Variants in BDP1 observed in about 807,000 individuals in gnomAD.
The protein encoded by BDP1 is transcription factor TFIIIB component B'' homolog.
Under a neutral mutation model 266.6 loss-of-function variants are expected in BDP1, and 169 were observed. The observed-to-expected ratio is 0.63, with a 90% confidence interval of 0.56 to 0.72. BDP1 has a LOEUF of 0.72. Among genes scored for constraint, BDP1 ranks in the 30% least tolerant of loss-of-function variants. The pLI is 0.00. For missense variants in BDP1, 3,015 were observed against 3,053.8 expected (o/e 0.99, Z 0.30); for synonymous variants, 1,090 against 1,022.4 (o/e 1.07, Z -1.26).
At chr5:71,551,767 G>A (rs2111958291) in intron 34 of BDP1, among the ~76,000 whole-genome samples, 1 of 150,924 alleles carries the variant, frequency 6.6e-6, no homozygotes, top group Non-Finnish European at 1.5e-5. Flanking sequence ...CGGCTGGCCG[G>A]GAGGGGGGCT....
At chr5:71,474,769 C>T (rs191991629) in intron 7 of BDP1, among the ~76,000 whole-genome samples, 1 of 151,926 alleles carries the variant, frequency 6.6e-6, no homozygotes, top group Admixed American at 6.6e-5. Context: ...ATTGCTTGAA[C>T]CCGGGAGGGA....
chr5:71,556,996 C>T (rs948840860), intron 36 of BDP1, 71 bp downstream of exon 36: 1 of 767,554 alleles, frequency 1.3e-6, no homozygotes, highest in Non-Finnish European at 2.0e-6. Flanking sequence ...ATACCTTGTT[C>T]AAATATGAGA....
chr5:71,525,390 G>C (rs1765750295), intron 25 of BDP1, among the ~76,000 whole-genome samples: 1 of 148,866 alleles, frequency 6.7e-6, no homozygotes, highest in Admixed American at 6.6e-5. Flanking sequence ...CCGGGCGGGG[G>C]GCTGACCCCC....
At chr5:71,464,496 TA>T (rs948279758) in intron 4 of BDP1, among the ~76,000 whole-genome samples, 3 of 151,406 alleles carry the variant, frequency 2.0e-5, no homozygotes, top group African/African-American at 7.3e-5. Flanking sequence ...CTTTGTCTCT[TA>T]AAAAAAAATT....
In BDP1 at chr5:71,509,598, A is replaced by G. The variant is rs1764782254; in HGVS notation, c.2506A>G (p.Lys836Glu). 1.2e-6 allele frequency: 2 copies of G among 1,613,936 alleles called. No homozygotes were observed. The highest frequency in any genetic ancestry group is 4.5e-5 in the East Asian group (2 of 44,884). Residue 836 changes from lysine to glutamate, a missense_variant, in exon 17 of 39, where the codon AAG becomes GAG. Around this residue, in one of 3 missense-constraint regions of BDP1, gnomAD observed 2,383 missense variants for 2,404.9 expected, o/e 0.99. Coordinates refer to ENST00000358731, the MANE Select transcript of BDP1 (RefSeq NM_018429.3). Reference sequence around the variant, plus strand: ...TTCCTCAAAGGAAGAGGTACTAGAGAAGATTCTTGTCTCTGGGGAAATGGC... The same window carrying G: ...TTCCTCAAAGGAAGAGGTACTAGAGGAGATTCTTGTCTCTGGGGAAATGGC... ...EISSKEEVLE[K>E]ILVSGEMAAA...
At chr5:71,508,110 G>A (rs760116901) in intron 16 of BDP1, among the ~76,000 whole-genome samples, 48 of 151,716 alleles carry the variant, frequency 3.2e-4, no homozygotes, top group Non-Finnish European at 6.0e-4. Context: ...GATTACAGGC[G>A]CGTGCCACCA....
At chr5:71,461,049 A>G (rs1269734156) in intron 2 of BDP1, among the ~76,000 whole-genome samples, 1 of 152,196 alleles carries the variant, frequency 6.6e-6, no homozygotes, top group Non-Finnish European at 1.5e-5. Context: ...GTATAATTGC[A>G]GTTCACTGCA....
intron 7 of BDP1, among the ~76,000 whole-genome samples, chr5:71,474,451 A>G (rs1580005705): frequency 6.6e-6 from 1 of 151,800 alleles, no homozygotes; most frequent in Non-Finnish European, 1.5e-5. Flanking sequence ...CCTCCCAAGA[A>G]GTTGGGACTA....
chr5:71,471,593 C>T (rs1052834665), intron 7 of BDP1, among the ~76,000 whole-genome samples: 1 of 152,186 alleles, frequency 6.6e-6, no homozygotes, highest in African/African-American at 2.4e-5. Context: ...CTAATAACAA[C>T]AGTGATGTCA....
rs1765159281 is a variant in BDP1, at chr5:71,515,266, A to G, written c.4649+144A>G. 1.1e-5 allele frequency: 7 copies of G among 654,182 alleles called. No homozygotes were observed. In the East Asian group the frequency reaches 2.1e-4, roughly 20 times the overall value. The allele number at this position is 654,182 out of a possible 1,614,324, so 40.5% of individuals were successfully genotyped here. The stretch of plus-strand genomic sequence containing the variant: ...ATTTTATTGATACAGCAGACTGCCT[A>G]AAATATAATATCAGATTGAATTCAA... On this transcript the variant is annotated intron_variant, in intron 20 of 38. Coordinates refer to ENST00000358731, the MANE Select transcript of BDP1 (RefSeq NM_018429.3).
At chr5:71,524,644 A>AT (rs35940745) in intron 25 of BDP1, among the ~76,000 whole-genome samples, 19 of 144,588 alleles carry the variant, frequency 1.3e-4, no homozygotes, top group African/African-American at 3.9e-4. Context: ...TTTTTTATTT[A>AT]TTTTTTTTTA....
Position 71,489,495 on chromosome 5 carries a change from T to C in BDP1, c.1305T>C (p.Ala435=), listed in dbSNP as rs772026536. The C allele has an allele frequency of 8.7e-6, 14 of 1,613,954 alleles. No individual in the cohort carries two copies. The highest frequency in any genetic ancestry group is 1.3e-5 in the African/African-American group (1 of 74,930). The part of the protein sequence containing the change: ...ISDTERSQKD[A]QTVEEESLTL... ...ACACGGAAAGATCTCAGAAGGATGC[T>C]CAGACAGTTGAAGAAGAGTCTCTGA... is the stretch of plus-strand genomic sequence containing the variant. Residue 435 remains alanine (A), a synonymous_variant, in exon 10 of 39, where the codon GCT becomes GCC. Transcript: ENST00000358731.
At chr5:71,573,893 T>C in the BDP1 span, among the ~76,000 whole-genome samples, 1 of 152,234 alleles carries the variant, frequency 6.6e-6, no homozygotes, top group East Asian at 1.9e-4. Flanking sequence ...GCAGGAACCC[T>C]ATGTACAATT....
chr5:71,551,725 G>A (rs1260555084), intron 34 of BDP1, among the ~76,000 whole-genome samples: 11 of 151,342 alleles, frequency 7.3e-5, no homozygotes, highest in Admixed American at 2.0e-4. Context: ...AGGGGCGGCC[G>A]GGCAGAGGTG....
chr5:71,541,996 A>C, intron 29 of BDP1, 109 bp from the exon 30 acceptor site: 1 of 830,194 alleles, frequency 1.2e-6, no homozygotes, highest in Non-Finnish European at 1.8e-6. Flanking sequence ...ACTTGTAGAC[A>C]GTGTGGCACC....
At chr5:71,472,913 G>T (rs1236405811) in intron 7 of BDP1, among the ~76,000 whole-genome samples, 4 of 53,080 alleles carry the variant, frequency 7.5e-5, no homozygotes, top group Non-Finnish European at 1.2e-4. Flanking sequence ...TTTTTTTTTG[G>T]AGACAGGGTC....
chr5:71,569,401 A>T (rs1189558701), downstream of BDP1, among the ~76,000 whole-genome samples: 2 of 151,988 alleles, frequency 1.3e-5, no homozygotes, highest in East Asian at 3.9e-4. Context: ...GCAGTGAGGT[A>T]TGATCGTGCC....
chr5:71,544,300 A>G, intron 30 of BDP1, 57 bp from the exon 31 acceptor site: 2 of 1,497,290 alleles, frequency 1.3e-6, no homozygotes. Flanking sequence ...TGTTTCTAAT[A>G]CAGGGATTTT....
rs562422538 is a variant in BDP1, at chr5:71,509,611, C to G, written c.2519C>G (p.Ser840Cys). The G allele has an allele frequency of 5.0e-6, 8 of 1,613,830 alleles. No homozygotes were observed. The South Asian group carries it at 7.7e-5, about 16-fold the overall frequency. ...KEEVLEKILV[S>C]GEMAAALRET... is the part of the protein sequence containing the mutation. ...GAGGTACTAGAGAAGATTCTTGTCT[C>G]TGGGGAAATGGCGGCAGCATTGAGA... is the stretch of plus-strand genomic sequence containing the variant. The change falls in exon 17 of 39, where the codon TCT becomes TGT. Residue 840 changes from serine (S) to cysteine (C), a missense_variant. Physicochemically the swap from Ser to Cys is moderately radical, Grantham distance 112. Around this residue, in one of 3 missense-constraint regions of BDP1, gnomAD observed 2,383 missense variants for 2,404.9 expected, o/e 0.99. Coordinates refer to ENST00000358731, the MANE Select transcript of BDP1 (RefSeq NM_018429.3).
Sources: gnomAD v4.1 joint callset for allele counts (sites outside exome capture counted in the v4.1 genomes callset) on GRCh38, gnomAD v4.1.1 for gene constraint, gnomAD v4.1.1 regional missense constraint, MANE v1.5 for transcripts, NCBI Gene and HGNC (gene_info 2026-07-23, HGNC 2026-07-21) for gene names.